DYNC1I1: variants seen among roughly 807,000 people sequenced by gnomAD.
The protein encoded by DYNC1I1 is cytoplasmic dynein 1 intermediate chain 1.
In DYNC1I1, 43 loss-of-function variants were observed where a neutral mutation model predicts 86.6. The ratio of observed to expected loss-of-function variants is 0.50; its 90% CI spans 0.39 to 0.64. The LOEUF (loss-of-function observed/expected upper bound fraction) is 0.64, where lower values mean the gene tolerates loss of function less well. Among genes scored for constraint, DYNC1I1 ranks in the 30% least tolerant of loss-of-function variants. DYNC1I1 has a pLI of 0.00. For synonymous variants in DYNC1I1, 262 were observed against 283.7 expected (o/e 0.92, Z 0.77); for missense variants, 604 against 788.8 (o/e 0.77, Z 2.81).
chr7:96,046,036 C>T (rs1301748237), intron 14 of DYNC1I1, among the ~76,000 whole-genome samples: 1 of 152,130 alleles, frequency 6.6e-6, no homozygotes, highest in African/African-American at 2.4e-5. Flanking sequence ...CACCTCCTGC[C>T]GCACCACGTT....
intron 6 of DYNC1I1, among the ~76,000 whole-genome samples, chr7:95,898,199 CT>C (rs1790938220): frequency 6.6e-6 from 1 of 152,180 alleles, no homozygotes; most frequent in Non-Finnish European, 1.5e-5. Flanking sequence ...CTAATGGAAA[CT>C]CCACATGCCA....
chr7:95,844,041 A>G (rs182192104), intron 5 of DYNC1I1, among the ~76,000 whole-genome samples: 14 of 152,312 alleles, frequency 9.2e-5, no homozygotes, highest in Non-Finnish European at 1.5e-4. Context: ...CATAAATGCA[A>G]ATATTCCCAT....
At chr7:95,788,449 T>A (rs1584222838) in intron 1 of DYNC1I1, among the ~76,000 whole-genome samples, 1 of 152,120 alleles carries the variant, frequency 6.6e-6, no homozygotes, top group East Asian at 1.9e-4. Flanking sequence ...GTGGGGAAGA[T>A]CAAAAGCTGG....
chr7:95,788,474 A>G (rs1794206213), intron 1 of DYNC1I1, among the ~76,000 whole-genome samples: 1 of 152,214 alleles, frequency 6.6e-6, no homozygotes, highest in Admixed American at 6.5e-5. Flanking sequence ...ACATGAAGCC[A>G]GAGTCCAGGG....
intron 16 of DYNC1I1, among the ~76,000 whole-genome samples, chr7:96,088,029 A>G (rs961968660): frequency 1.3e-5 from 2 of 152,162 alleles, no homozygotes; most frequent in Admixed American, 1.3e-4. Context: ...ATTAATTCCA[A>G]TTAATGTTGT....
rs539380615 is a variant in DYNC1I1, at chr7:96,053,996, C to T, written c.1509+14575C>T. On this transcript the variant is annotated intron_variant, in intron 14 of 16. Coordinates refer to ENST00000447467, the MANE Select transcript of DYNC1I1 (RefSeq NM_001135556.2). Reference sequence around the variant, plus strand: ...TTTTAAGCTTTCTTTTTTTATTATACTTCTGGGATACATGTGCAGAATATG... The same window carrying T: ...TTTTAAGCTTTCTTTTTTTATTATATTTCTGGGATACATGTGCAGAATATG... Among the ~76,000 whole-genome samples the T allele has an allele frequency of 4.6e-5, 7 of 152,030 alleles. No homozygotes were observed. The South Asian group carries it at 1.5e-3, about 32-fold the overall frequency.
At chr7:95,910,883 G>A (rs964130451) in intron 6 of DYNC1I1, among the ~76,000 whole-genome samples, 3 of 152,146 alleles carry the variant, frequency 2.0e-5, no homozygotes, top group Admixed American at 6.5e-5. Flanking sequence ...GAGGTTGGCC[G>A]TCGTAATATT....
At chr7:95,978,597 T>C (rs918931018) in intron 7 of DYNC1I1, among the ~76,000 whole-genome samples, 1 of 152,170 alleles carries the variant, frequency 6.6e-6, no homozygotes, top group Non-Finnish European at 1.5e-5. Flanking sequence ...TAACTCTGAT[T>C]AGAAGCTCAT....
chr7:95,885,865 C>A (rs917868287), intron 6 of DYNC1I1, among the ~76,000 whole-genome samples: 1 of 152,220 alleles, frequency 6.6e-6, no homozygotes, highest in East Asian at 1.9e-4. Context: ...GAAAGAAAGA[C>A]ATTTTTAAAA....
In DYNC1I1 at chr7:95,776,171, C is replaced by T. The variant is rs184784918; in HGVS notation, c.-10+3398C>T. On this transcript the variant is annotated intron_variant, in intron 1 of 16. Coordinates refer to ENST00000447467, the MANE Select transcript of DYNC1I1 (RefSeq NM_001135556.2). ...TTGCACCACTGCAGTCCAGCCTGGG[C>T]GACAGAGCAAGGCCCTGTCTTAAAA... 4.8e-4 allele frequency among the ~76,000 whole-genome samples: 73 copies of T among 152,158 alleles called. No homozygotes were observed. In the East Asian group the frequency reaches 0.012, roughly 25 times the overall value.
chr7:95,854,614 C>T (rs1441092118), intron 5 of DYNC1I1, among the ~76,000 whole-genome samples: 1 of 152,138 alleles, frequency 6.6e-6, no homozygotes, highest in African/African-American at 2.4e-5. Flanking sequence ...TGACTGTGCA[C>T]TTAACTCACT....
rs1009279511 is a variant in DYNC1I1, at chr7:95,891,579, A to G, written c.490+21581A>G. Among the ~76,000 whole-genome samples, 3 of 152,226 alleles carry G rather than the reference A, an allele frequency of 2.0e-5. 1 individual carries two copies. Among genetic ancestry groups the G allele is most frequent in the Non-Finnish European group, 4.4e-5 (3 of 68,044 alleles). The stretch of plus-strand genomic sequence containing the variant: ...AAATGTGGGAGAATAAGAGAGCTAC[A>G]TGGAAAGGAAGAGTCCATATGAACA... On this transcript the variant is annotated intron_variant, in intron 6 of 16. Coordinates refer to ENST00000447467, the MANE Select transcript of DYNC1I1 (RefSeq NM_001135556.2).
At chr7:95,926,525 G>C (rs1346984201) in intron 6 of DYNC1I1, among the ~76,000 whole-genome samples, 1 of 152,132 alleles carries the variant, frequency 6.6e-6, no homozygotes, top group Non-Finnish European at 1.5e-5. Flanking sequence ...CTGAATGTTA[G>C]AATTATAAGG....
At chr7:96,060,606 GA>G (rs1789735477) in intron 14 of DYNC1I1, among the ~76,000 whole-genome samples, 1 of 152,150 alleles carries the variant, frequency 6.6e-6, no homozygotes, top group Non-Finnish European at 1.5e-5. Context: ...TACCAAGTGT[GA>G]ACCCTGATGT....
intron 6 of DYNC1I1, among the ~76,000 whole-genome samples, chr7:95,891,599 T>A (rs967772330): frequency 6.6e-6 from 1 of 152,226 alleles, no homozygotes. Context: ...AGAGTCCATA[T>A]GAACAGAATG....
At chr7:95,905,231 A>G (rs1249214412) in intron 6 of DYNC1I1, among the ~76,000 whole-genome samples, 5 of 152,172 alleles carry the variant, frequency 3.3e-5, no homozygotes, top group African/African-American at 4.8e-5. Flanking sequence ...TTGGCTTGGA[A>G]AGTAATTGAG....
chr7:95,775,975 G>A (rs188344350), intron 1 of DYNC1I1, among the ~76,000 whole-genome samples: 4 of 152,270 alleles, frequency 2.6e-5, no homozygotes, highest in Admixed American at 2.6e-4. Context: ...ACTGGGCACA[G>A]TAGCTTACAC....
intron 6 of DYNC1I1, among the ~76,000 whole-genome samples, chr7:95,957,564 A>G (rs1420969612): frequency 2.0e-5 from 3 of 152,138 alleles, no homozygotes; most frequent in Non-Finnish European, 4.4e-5. Flanking sequence ...TTGGGCTCCC[A>G]TCCATCAGAA....
At chr7:96,061,981 GT>G in intron 14 of DYNC1I1, among the ~76,000 whole-genome samples, 1 of 152,288 alleles carries the variant, frequency 6.6e-6, no homozygotes, top group East Asian at 1.9e-4. Flanking sequence ...AGAGTCTTGA[GT>G]TTTAGCCAAA....
Sources: allele counts gnomAD v4.1 joint callset (sites outside exome capture counted in the v4.1 genomes callset), GRCh38; gene constraint gnomAD v4.1.1; transcripts MANE v1.5; gene names NCBI Gene and HGNC (gene_info 2026-07-23, HGNC 2026-07-21).